The following IQGAP2 variants were observed in gnomAD, a reference collection of about 807,000 sequenced individuals.
IQGAP2 encodes ras GTPase-activating-like protein IQGAP2.
Under a neutral mutation model 201.3 loss-of-function variants are expected in IQGAP2, and 173 were observed. The ratio of observed to expected loss-of-function variants is 0.86; its 90% CI spans 0.76 to 0.98. The LOEUF (loss-of-function observed/expected upper bound fraction) is 0.98. Ranked by LOEUF, IQGAP2 falls within the 50% of genes least tolerant of loss-of-function variation. IQGAP2 has a pLI of 0.00. For synonymous variants in IQGAP2, 675 were observed against 673.9 expected (o/e 1.00, Z -0.03); for missense variants, 1,687 against 1,864.8 (o/e 0.90, Z 1.76).
chr5:76,529,629 GAATAATAAT>G (rs57526049), intron 2 of IQGAP2, among the ~76,000 whole-genome samples: 11,798 of 138,984 alleles, frequency 0.085, 572 homozygotes, highest in Non-Finnish European at 0.1. Flanking sequence ...CTCCCTCTCG[GAATAATAAT>G]AATAATAATA....
chr5:76,554,345 G>A (rs1018604427), intron 2 of IQGAP2, among the ~76,000 whole-genome samples: 3 of 152,066 alleles, frequency 2.0e-5, no homozygotes, highest in African/African-American at 7.2e-5. Context: ...AAACATTTTT[G>A]CTTCAGATAA....
intron 12 of IQGAP2, 69 bp downstream of exon 12, chr5:76,606,372 A>G (rs1377682396): frequency 1.4e-6 from 2 of 1,383,206 alleles, no homozygotes; most frequent in Non-Finnish European, 1.9e-6. Flanking sequence ...TTAGTTTTCT[A>G]GATTAGGGCT....
In IQGAP2 at chr5:76,690,643, GC is replaced by G. The variant is rs762146289; in HGVS notation, c.3906-2710del. On this transcript the variant is annotated intron_variant, in intron 30 of 35. Coordinates refer to ENST00000274364, the MANE Select transcript of IQGAP2 (RefSeq NM_006633.5). ...ACATGTAATTTTAACTTTTCTAGAAGCCTTATTTTAAAAAGAAATAGATGAA... is the reference window on the plus strand; with the variant it reads ...ACATGTAATTTTAACTTTTCTAGAAGCTTATTTTAAAAAGAAATAGATGAA... Among the ~76,000 whole-genome samples the G allele has an allele frequency of 1.8e-3, 277 of 152,164 alleles. 1 individual carries two copies. Among genetic ancestry groups the G allele is most frequent in the Non-Finnish European group, 3.3e-3 (224 of 68,004 alleles).
intron 3 of IQGAP2, among the ~76,000 whole-genome samples, chr5:76,566,623 T>C (rs1256879275): frequency 6.6e-6 from 1 of 151,988 alleles, no homozygotes; most frequent in African/African-American, 2.4e-5. Flanking sequence ...TTCAGAAACA[T>C]CAGTTGCTGC....
At chr5:76,691,558 A>T (rs1332237824) in intron 30 of IQGAP2, 1 of 152,194 alleles carries the variant, frequency 6.6e-6, no homozygotes. Context: ...TCTCAGCCAC[A>T]GCCGCTTTAG....
At chr5:76,464,733 G>A (rs6877961) in intron 2 of IQGAP2, among the ~76,000 whole-genome samples, 33,654 of 151,702 alleles carry the variant, frequency 0.22, 4,065 homozygotes, top group Middle Eastern at 0.31. Context: ...TTATTCAGAG[G>A]GGACATCACT....
chr5:76,670,865 C>G (rs975609251), intron 23 of IQGAP2, among the ~76,000 whole-genome samples: 2 of 152,192 alleles, frequency 1.3e-5, no homozygotes, highest in Admixed American at 1.3e-4. Flanking sequence ...CCGTGTCACC[C>G]AGTATTGCTA....
At chr5:76,633,018 T>C (rs1292088670) in intron 15 of IQGAP2, among the ~76,000 whole-genome samples, 1 of 152,184 alleles carries the variant, frequency 6.6e-6, no homozygotes, top group Admixed American at 6.5e-5. Context: ...CATCAAGAAT[T>C]ACTGTAATGT....
At position 76,627,455 on chromosome 5, in the gene IQGAP2, C is replaced by G. The variant is rs747849810; in HGVS notation, c.1567C>G (p.Gln523Glu). Residue 523 changes from glutamine (Q) to glutamate (E), a missense_variant, in exon 14 of 36, where the codon CAA (glutamine) becomes GAA (glutamate). Coordinates refer to ENST00000274364, the MANE Select transcript of IQGAP2 (RefSeq NM_006633.5). ...SKVLWLDEIQQAVDDANVDKD... is the reference protein window; with the variant it reads ...SKVLWLDEIQEAVDDANVDKD... ...AGTGCTTTGGCTGGATGAGATACAGCAAGCCGTCGATGATGCCAACGTGGA... is the reference window on the plus strand; with the variant it reads ...AGTGCTTTGGCTGGATGAGATACAGGAAGCCGTCGATGATGCCAACGTGGA... The G allele has an allele frequency of 6.2e-7, 1 of 1,603,890 alleles. No individual in the cohort carries two copies.
chr5:76,413,460 C>T (rs1430920138), intron 1 of IQGAP2, among the ~76,000 whole-genome samples: 2 of 152,160 alleles, frequency 1.3e-5, no homozygotes, highest in African/African-American at 2.4e-5. Flanking sequence ...TGGGCCACCA[C>T]GCCCAACTCT....
At chr5:76,429,194 A>G (rs1021212415) in intron 1 of IQGAP2, among the ~76,000 whole-genome samples, 1 of 151,912 alleles carries the variant, frequency 6.6e-6, no homozygotes, top group Admixed American at 6.6e-5. Context: ...ATACTTTTTG[A>G]CCTTATTACC....
intron 5 of IQGAP2, among the ~76,000 whole-genome samples, chr5:76,584,036 A>G (rs779585791): frequency 6.6e-6 from 1 of 151,764 alleles, no homozygotes; most frequent in Non-Finnish European, 1.5e-5. Flanking sequence ...CCGTGCCCAG[A>G]TAATTTTTGT....
intron 1 of IQGAP2, chr5:76,441,552 T>C (rs1469734316): frequency 1.0e-6 from 1 of 981,834 alleles, no homozygotes; most frequent in African/African-American, 1.7e-5. Context: ...TGCTACTTCT[T>C]ATAAAGCCAG....
At chr5:76,582,757 T>C (rs1289626611) in intron 5 of IQGAP2, among the ~76,000 whole-genome samples, 1 of 151,662 alleles carries the variant, frequency 6.6e-6, no homozygotes, top group African/African-American at 2.4e-5. Flanking sequence ...GTGACTAAGA[T>C]GGAAAAATTT....
intron 2 of IQGAP2, among the ~76,000 whole-genome samples, chr5:76,512,378 G>T (rs1220995524): frequency 6.6e-6 from 1 of 152,182 alleles, no homozygotes; most frequent in Non-Finnish European, 1.5e-5. Flanking sequence ...AGCTTCACGA[G>T]TTCATGATCC....
rs188633394 is a variant in IQGAP2, at chr5:76,517,205, A to G, written c.147-45191A>G. On this transcript the variant is annotated intron_variant, in intron 2 of 35. Coordinates refer to ENST00000274364, the MANE Select transcript of IQGAP2 (RefSeq NM_006633.5). ...GTACATTCAGGATCTCATATGCCAT[A>G]GTTCAAAATATTTTTTTACTTTATA... is the stretch of plus-strand genomic sequence containing the variant. Among the ~76,000 whole-genome samples the G allele has an allele frequency of 3.1e-3, 475 of 152,262 alleles. 1 individual carries two copies. The highest frequency in any genetic ancestry group is 0.01 in the Middle Eastern group (3 of 294).
At chr5:76,414,554 C>T (rs1751311392) in intron 1 of IQGAP2, among the ~76,000 whole-genome samples, 1 of 152,154 alleles carries the variant, frequency 6.6e-6, no homozygotes, top group African/African-American at 2.4e-5. Flanking sequence ...GATATGGTGG[C>T]TCAAGCCTGT....
intron 1 of IQGAP2, among the ~76,000 whole-genome samples, chr5:76,429,008 G>T (rs1392002099): frequency 6.7e-6 from 1 of 149,966 alleles, no homozygotes; most frequent in Non-Finnish European, 1.5e-5. Context: ...GAACCTGGGA[G>T]ACAGAGGTTT....
intron 1 of IQGAP2, among the ~76,000 whole-genome samples, chr5:76,422,542 A>G (rs1323505394): frequency 6.6e-6 from 1 of 152,244 alleles, no homozygotes; most frequent in African/African-American, 2.4e-5. Flanking sequence ...TGGAGTTCCC[A>G]GGATTATTTA....
Sources: allele counts gnomAD v4.1 joint callset (sites outside exome capture counted in the v4.1 genomes callset), GRCh38; gene constraint gnomAD v4.1.1; transcripts MANE v1.5; gene names NCBI Gene and HGNC (gene_info 2026-07-23, HGNC 2026-07-21).